The following IL7 variants were observed in gnomAD, a reference collection of about 807,000 sequenced individuals.
The protein encoded by IL7 is interleukin-7.
A neutral mutation model predicts 21.6 loss-of-function variants in IL7; 3 were observed. The ratio of observed to expected loss-of-function variants is 0.14; its 90% CI spans 0.06 to 0.36. The LOEUF (loss-of-function observed/expected upper bound fraction) is 0.36, where lower values mean the gene tolerates loss of function less well. Among genes scored for constraint, IL7 ranks in the 10% least tolerant of loss-of-function variants. The pLI is 1.00. For missense variants in IL7, 175 were observed against 200.2 expected (o/e 0.87, Z 0.76); for synonymous variants, 62 against 68.1 (o/e 0.91, Z 0.44).
At chr8:78,763,633 T>C (rs946385946) in intron 2 of IL7, among the ~76,000 whole-genome samples, 1 of 151,826 alleles carries the variant, frequency 6.6e-6, no homozygotes, top group Non-Finnish European at 1.5e-5. Flanking sequence ...CAAAAAGAAA[T>C]AGAAACTCTG....
chr8:78,740,368 C>T (rs1189140964), intron 2 of IL7, among the ~76,000 whole-genome samples: 1 of 152,088 alleles, frequency 6.6e-6, no homozygotes, highest in Non-Finnish European at 1.5e-5. Flanking sequence ...ATAGAAGTAC[C>T]TATTTTAGAA....
chr8:78,717,319 C>CT (rs1270167973), downstream of IL7: 6 of 1,598,102 alleles, frequency 3.8e-6, no homozygotes, highest in African/African-American at 1.4e-5. Context: ...TGTTTCTTTA[C>CT]TTTTTTAGGC....
chr8:78,686,357 C>T (rs1451199140), intron 3 of IL7: 3 of 943,198 alleles, frequency 3.2e-6, no homozygotes, highest in Non-Finnish European at 4.2e-6. Flanking sequence ...TTTAAGGACT[C>T]CTGATAAGAG....
chr8:78,804,275 CAAA>C (rs759625304), intron 1 of IL7, among the ~76,000 whole-genome samples: 2 of 152,160 alleles, frequency 1.3e-5, no homozygotes, highest in African/African-American at 4.8e-5. Flanking sequence ...AAAATAACAA[CAAA>C]AACAAAAACA....
chr8:78,725,010 C>T (rs1461045569), intron 3 of IL7, among the ~76,000 whole-genome samples: 2 of 152,066 alleles, frequency 1.3e-5, no homozygotes, highest in Admixed American at 6.6e-5. Context: ...TTGTTATTAT[C>T]TGTAATGGGC....
chr8:78,684,755 A>G (rs532179801), intron 4 of IL7, among the ~76,000 whole-genome samples: 2 of 152,332 alleles, frequency 1.3e-5, no homozygotes, highest in African/African-American at 4.8e-5. Context: ...GACCCTCTGC[A>G]AAAGAACAAC....
intron 3 of IL7, among the ~76,000 whole-genome samples, chr8:78,687,091 C>A (rs984778413): frequency 1.3e-5 from 2 of 151,966 alleles, no homozygotes; most frequent in African/African-American, 4.8e-5. Context: ...AATTTTTTCT[C>A]ATTGAGCAGA....
At chr8:78,771,475 C>T (rs1812951985) in intron 2 of IL7, among the ~76,000 whole-genome samples, 1 of 152,014 alleles carries the variant, frequency 6.6e-6, no homozygotes, top group Admixed American at 6.6e-5. Flanking sequence ...AAGGAATTAT[C>T]ATTCTGCTGG....
downstream of IL7, among the ~76,000 whole-genome samples, chr8:78,715,831 G>A (rs1467346259): frequency 1.3e-5 from 2 of 152,020 alleles, no homozygotes; most frequent in African/African-American, 2.4e-5. Context: ...CCTGAGGTCA[G>A]GAGTTTGAGA....
At chr8:78,751,550 A>G (rs1001015508) in intron 2 of IL7, among the ~76,000 whole-genome samples, 2 of 152,236 alleles carry the variant, frequency 1.3e-5, no homozygotes, top group African/African-American at 4.8e-5. Flanking sequence ...ATGGATCTAA[A>G]TAAAGGAAGG....
chr8:78,801,698 CT>C (rs1481907702), intron 1 of IL7, among the ~76,000 whole-genome samples: 9 of 152,170 alleles, frequency 5.9e-5, no homozygotes, highest in Admixed American at 5.9e-4. Flanking sequence ...ACTAAATGAT[CT>C]TTTTCATCTT....
intron 2 of IL7, among the ~76,000 whole-genome samples, chr8:78,742,370 T>C (rs1811816823): frequency 6.6e-6 from 1 of 151,950 alleles, no homozygotes; most frequent in African/African-American, 2.4e-5. Context: ...ATCACATATG[T>C]CAAGATGTAC....
chr8:78,776,308 T>A (rs1179622383), intron 2 of IL7, among the ~76,000 whole-genome samples: 2 of 152,196 alleles, frequency 1.3e-5, no homozygotes, highest in Non-Finnish European at 1.5e-5. Flanking sequence ...AAGGGATGAT[T>A]CACCCCTTGG....
At chr8:78,787,150 C>G (rs1295349157) in intron 2 of IL7, among the ~76,000 whole-genome samples, 1 of 152,148 alleles carries the variant, frequency 6.6e-6, no homozygotes, top group African/African-American at 2.4e-5. Flanking sequence ...GTTCTGAGAG[C>G]TGCTCTAGCA....
At chr8:78,704,163 C>T (rs976053382) in intron 3 of IL7, among the ~76,000 whole-genome samples, 14 of 152,144 alleles carry the variant, frequency 9.2e-5, no homozygotes, top group African/African-American at 3.4e-4. Flanking sequence ...GAGCGGATCA[C>T]CTGAGGTCAG....
At chr8:78,686,573 A>G (rs1370358952) in intron 3 of IL7, 17 of 1,535,636 alleles carry the variant, frequency 1.1e-5, no homozygotes, top group South Asian at 4.0e-5. Context: ...GAGGGTGGCA[A>G]ACTTCCTCCT....
chr8:78,708,506 C>T (rs536042081), intron 3 of IL7, among the ~76,000 whole-genome samples: 10 of 151,698 alleles, frequency 6.6e-5, no homozygotes, highest in East Asian at 1.9e-4. Context: ...AGTAAGAACT[C>T]GTCTCCATTA....
chr8:78,726,638 C>G (rs1287262633), intron 3 of IL7, among the ~76,000 whole-genome samples: 1 of 151,910 alleles, frequency 6.6e-6, no homozygotes, highest in Non-Finnish European at 1.5e-5. Flanking sequence ...ATTAAGTATC[C>G]TTAGCACTCA....
At chr8:78,695,584 C>A (rs1563631300) in intron 3 of IL7, among the ~76,000 whole-genome samples, 1 of 152,108 alleles carries the variant, frequency 6.6e-6, no homozygotes, top group African/African-American at 2.4e-5. Flanking sequence ...CGTAGTTTAA[C>A]AAATTTTTGT....
Sources: gnomAD v4.1 joint callset for allele counts (sites outside exome capture counted in the v4.1 genomes callset) on GRCh38, gnomAD v4.1.1 for gene constraint, MANE v1.5 for transcripts, NCBI Gene and HGNC (gene_info 2026-07-23, HGNC 2026-07-21) for gene names.